Variants in IRAK1BP1 observed in about 807,000 individuals in gnomAD.
The protein encoded by IRAK1BP1 is interleukin 1 receptor associated kinase 1 binding protein 1.
IRAK1BP1 carries 24 observed loss-of-function variants against 28.0 expected under a neutral mutation model. The ratio of observed to expected loss-of-function variants is 0.86; its 90% CI spans 0.62 to 1.20. The LOEUF (loss-of-function observed/expected upper bound fraction) is 1.20, where lower values mean the gene tolerates loss of function less well. IRAK1BP1 is among the 50% of genes most tolerant of loss of function. The probability of loss-of-function intolerance (pLI) is 0.00; values close to 1 mark genes in which losing one functional copy is unlikely to be tolerated. For synonymous variants in IRAK1BP1, 131 were observed against 116.3 expected (o/e 1.13, Z -0.81); for missense variants, 336 against 316.7 (o/e 1.06, Z -0.46).
chr6:78,940,160 G>T (rs1005186132), intron 4 of IRAK1BP1: 7 of 151,898 alleles, frequency 4.6e-5, no homozygotes, highest in African/African-American at 1.5e-4. Flanking sequence ...AACTGTTTAG[G>T]GTATCAAATG....
rs571097594 is a variant in IRAK1BP1, at chr6:78,917,568, G to C, written c.*67+14458G>C. Among the ~76,000 whole-genome samples the C allele has an allele frequency of 4.2e-5, 6 of 144,194 alleles. No homozygotes were observed. The East Asian group carries it at 1.3e-3, about 31-fold the overall frequency. 94.6% of individuals were successfully genotyped at this position (144,194 alleles called of 152,430 possible). ...GATACAAGAAATTCAGAGAACACCT[G>C]TGAGATACTATACAAAATGAACATT... On this transcript the variant is annotated intron_variant and NMD_transcript_variant, in intron 4 of 4. Coordinates refer to the IRAK1BP1 transcript ENST00000606868.
Position 78,897,235 on chromosome 6 carries a change from G to A in IRAK1BP1, c.382-594G>A, listed in dbSNP as rs571105302. 3.8e-4 allele frequency among the ~76,000 whole-genome samples: 53 copies of A among 140,816 alleles called. 1 individual carries two copies. Among genetic ancestry groups the A allele is most frequent in the Non-Finnish European group, 7.4e-4 (49 of 66,252 alleles). The allele number at this position is 140,816 out of a possible 152,430, so 92.4% of individuals were successfully genotyped here. ...GCCAGTGCACTCCAGCCTGGGCAAC[G>A]TAGCAAGATCTTGTCTCTCTTAAAA... On this transcript the variant is annotated intron_variant, in intron 2 of 3. Coordinates refer to ENST00000369940, the MANE Select transcript of IRAK1BP1 (RefSeq NM_001010844.4).
intron 4 of IRAK1BP1, among the ~76,000 whole-genome samples, chr6:78,917,565 C>T (rs1029561900): frequency 6.7e-6 from 1 of 149,028 alleles, no homozygotes; most frequent in Non-Finnish European, 1.5e-5. Flanking sequence ...TCAGAGAACA[C>T]CTGTGAGATA....
rs140101604 is a variant in IRAK1BP1 at position 78,898,065 on chromosome 6, C to A, written c.514C>A (p.Arg172=). Residue 172 remains arginine, a splice_region_variant and synonymous_variant, in exon 4 of 4, where the codon CGG becomes AGG. Transcript: ENST00000369940. ...TAATCTCTCCATTTAATTCCTAAGA[C>A]GGCAAGCCTGTCTTGTTGCTGTTGA... The part of the protein sequence containing the change: ...HTPGSVENLR[R]QACLVAVENA... 1.2e-6 allele frequency: 2 copies of A among 1,608,196 alleles called. No homozygotes were observed. Among genetic ancestry groups the A allele is most frequent in the African/African-American group, 2.7e-5 (2 of 74,574 alleles).
At chr6:78,954,725 A>G in the IRAK1BP1 span, 9 of 788,742 alleles carry the variant, frequency 1.1e-5, no homozygotes, top group Admixed American at 3.3e-5. Context: ...ATAAACTATA[A>G]TCATAAAAAG....
intron 4 of IRAK1BP1, among the ~76,000 whole-genome samples, chr6:78,908,908 G>C (rs370105465): frequency 6.6e-6 from 1 of 152,138 alleles, no homozygotes; most frequent in Non-Finnish European, 1.5e-5. Context: ...AGATAGATAG[G>C]ATCAATTCTG....
At chr6:78,954,541 T>A in the IRAK1BP1 span, among the ~76,000 whole-genome samples, 1 of 151,038 alleles carries the variant, frequency 6.6e-6, no homozygotes, top group Admixed American at 6.6e-5. Flanking sequence ...AAAAAAAAAA[T>A]TCAGATGAGA....
At chr6:78,963,194 TG>T in the IRAK1BP1 span, 1 of 1,610,306 alleles carries the variant, frequency 6.2e-7, no homozygotes. Flanking sequence ...TATAGATTAG[TG>T]ATCTGCACTC....
downstream of IRAK1BP1, among the ~76,000 whole-genome samples, chr6:78,904,414 G>A (rs924470890): frequency 1.3e-5 from 2 of 152,188 alleles, no homozygotes; most frequent in South Asian, 2.1e-4. Context: ...GCTGGCCAGA[G>A]AAAGTTGCTT....
At chr6:78,885,946 CT>C (rs1771417918) in intron 2 of IRAK1BP1, among the ~76,000 whole-genome samples, 1 of 152,140 alleles carries the variant, frequency 6.6e-6, no homozygotes, top group Admixed American at 6.5e-5. Context: ...ACTGCCTATG[CT>C]TTTTACTTAT....
intron 4 of IRAK1BP1, among the ~76,000 whole-genome samples, chr6:78,917,632 T>TAAAAAAAAAAAAA (rs35313944): frequency 1.6e-5 from 1 of 63,672 alleles, no homozygotes. Context: ...AAGTCAACAC[T>TAAAAAAAAAAAAA]AAAAAAAAAA....
rs548709199 is a variant in IRAK1BP1 at position 78,901,578 on chromosome 6, T to A, written c.*3244T>A. 6.6e-6 allele frequency: 1 copy of A among 152,184 alleles called. No homozygotes were observed. Among genetic ancestry groups the A allele is most frequent in the African/African-American group, 2.4e-5 (1 of 41,550 alleles). 9.4% of individuals were successfully genotyped at this position (152,184 alleles called of 1,614,324 possible). A position where few individuals can be genotyped will look rare whatever the true frequency, so the allele number is the denominator to read the frequency against. On this transcript the variant is annotated 3_prime_UTR_variant, in exon 4 of 4. Coordinates refer to ENST00000369940, the MANE Select transcript of IRAK1BP1 (RefSeq NM_001010844.4). ...AAAGTAGGAAGTTATAATTTCTATT[T>A]TCTGAAAGACAAACAAAAATTCTAA...
At chr6:78,965,212 T>C in the IRAK1BP1 span, among the ~76,000 whole-genome samples, 51,101 of 152,046 alleles carry the variant, frequency 0.34, 9,985 homozygotes, top group East Asian at 0.69. Flanking sequence ...ATCTTCAAAG[T>C]AGCCCTATAA....
rs573799606 is a variant in IRAK1BP1, at chr6:78,923,255, A to G, written c.*67+20145A>G. Among the ~76,000 whole-genome samples, 98 of 151,538 alleles carry G rather than the reference A, an allele frequency of 6.5e-4. 1 individual carries two copies. In the South Asian group the frequency reaches 7.9e-3, roughly 12 times the overall value. On this transcript the variant is annotated intron_variant and NMD_transcript_variant, in intron 4 of 4. Transcript: ENST00000606868. ...TCTACCAAGCACATGGAAAAAAAAA[A>G]GGGCAGGGGTTTCAATCCTAGATTC...
At chr6:78,870,779 T>G (rs192528077) in intron 1 of IRAK1BP1, among the ~76,000 whole-genome samples, 1 of 152,238 alleles carries the variant, frequency 6.6e-6, no homozygotes, top group African/African-American at 2.4e-5. Context: ...GGAGGCAGTC[T>G]AGGCTCACTG....
chr6:78,933,698 T>TG (rs1419741107), intron 4 of IRAK1BP1, among the ~76,000 whole-genome samples: 1 of 151,564 alleles, frequency 6.6e-6, no homozygotes, highest in Non-Finnish European at 1.5e-5. Flanking sequence ...GCAGCTTTCT[T>TG]GCCTCTCTCA....
In IRAK1BP1 at chr6:78,899,342, C is replaced by A. The variant is rs1443444475; in HGVS notation, c.*1008C>A. 6.6e-6 allele frequency: 1 copy of A among 152,056 alleles called. No homozygotes were observed. Among genetic ancestry groups the A allele is most frequent in the Non-Finnish European group, 1.5e-5 (1 of 68,028 alleles). The allele number at this position is 152,056 out of a possible 1,614,324, so 9.4% of individuals were successfully genotyped here. On this transcript the variant is annotated 3_prime_UTR_variant, in exon 4 of 4. Transcript: ENST00000369940. ...CAGTTTCTTTACTAGGACCAGAGAC[C>A]ATTTTGGTAAGATGCAGATAACAAC...
At chr6:78,978,550 A>G in the IRAK1BP1 span, 1 of 1,519,876 alleles carries the variant, frequency 6.6e-7, no homozygotes, top group Non-Finnish European at 9.0e-7. Context: ...AATGTTTAAA[A>G]CTATGTGAGG....
chr6:78,877,296 T>G (rs1369515123), intron 1 of IRAK1BP1, among the ~76,000 whole-genome samples: 5 of 152,200 alleles, frequency 3.3e-5, no homozygotes. Context: ...TTTCTTAGAT[T>G]CTATGTCCTC....
Sources: gnomAD v4.1 joint callset for allele counts (sites outside exome capture counted in the v4.1 genomes callset) on GRCh38, gnomAD v4.1.1 for gene constraint, MANE v1.5 for transcripts, NCBI Gene and HGNC (gene_info 2026-07-23, HGNC 2026-07-21) for gene names.